Variants in CDH9 observed in about 807,000 individuals in gnomAD.
CDH9 encodes the protein cadherin 9.
A neutral mutation model predicts 70.9 loss-of-function variants in CDH9; 28 were observed. The ratio of observed to expected loss-of-function variants is 0.40; its 90% CI spans 0.29 to 0.54. CDH9 has a LOEUF of 0.54. CDH9 is among the 20% of genes least tolerant of loss of function. The probability of loss-of-function intolerance (pLI) is 0.59; values close to 1 mark genes in which losing one functional copy is unlikely to be tolerated. For missense variants in CDH9, 874 were observed against 984.4 expected (o/e 0.89, Z 1.50); for synonymous variants, 409 against 343.1 (o/e 1.19, Z -2.12).
intron 1 of CDH9, among the ~76,000 whole-genome samples, chr5:27,036,531 C>T (rs1244503716): frequency 6.6e-6 from 1 of 151,832 alleles, no homozygotes; most frequent in African/African-American, 2.4e-5. Context: ...CTATCAAATA[C>T]TGTAATAAAA....
intron 1 of CDH9, among the ~76,000 whole-genome samples, chr5:27,016,406 A>G (rs1204242004): frequency 7.2e-5 from 11 of 151,876 alleles, no homozygotes; most frequent in Admixed American, 7.2e-4. Context: ...AAAAAGTTTA[A>G]TTATTGTACA....
intron 2 of CDH9, among the ~76,000 whole-genome samples, chr5:26,984,773 C>A (rs928099281): frequency 1.3e-5 from 2 of 152,112 alleles, no homozygotes; most frequent in Admixed American, 1.3e-4. Context: ...TCTTGGGGAA[C>A]AGTACAACAT....
At chr5:26,999,942 A>G (rs1246508412) in intron 1 of CDH9, among the ~76,000 whole-genome samples, 2 of 152,182 alleles carry the variant, frequency 1.3e-5, no homozygotes, top group Non-Finnish European at 2.9e-5. Context: ...AATGAGTTTT[A>G]GAAAAAACTC....
At chr5:26,959,079 T>C (rs1003947650) in intron 2 of CDH9, among the ~76,000 whole-genome samples, 1 of 152,118 alleles carries the variant, frequency 6.6e-6, no homozygotes, top group African/African-American at 2.4e-5. Context: ...ACTTTCATAA[T>C]AAGAAGAATT....
At chr5:26,970,778 G>T (rs565901229) in intron 2 of CDH9, among the ~76,000 whole-genome samples, 1 of 151,702 alleles carries the variant, frequency 6.6e-6, no homozygotes, top group Non-Finnish European at 1.5e-5. Flanking sequence ...ATCTCATTTT[G>T]CAAAACTGAC....
chr5:26,954,520 C>G (rs563003750), intron 2 of CDH9, among the ~76,000 whole-genome samples: 210 of 150,494 alleles, frequency 1.4e-3, no homozygotes, highest in Admixed American at 2.7e-3. Flanking sequence ...GAGTAGCTGG[C>G]ACTACAGGTG....
chr5:26,914,842 ATTAAGT>A (rs1451386915), intron 3 of CDH9, among the ~76,000 whole-genome samples: 2 of 152,070 alleles, frequency 1.3e-5, no homozygotes, highest in African/African-American at 4.8e-5. Context: ...GATCTTGTAA[ATTAAGT>A]TTATGTCAGT....
At chr5:26,924,497 AT>A (rs1041841947) in intron 2 of CDH9, among the ~76,000 whole-genome samples, 6 of 149,794 alleles carry the variant, frequency 4.0e-5, no homozygotes, top group African/African-American at 1.2e-4. Flanking sequence ...TAGTCAAACT[AT>A]TTAAAAAAAT....
chr5:26,908,071 G>T (rs1024355233), intron 3 of CDH9, among the ~76,000 whole-genome samples: 3 of 152,058 alleles, frequency 2.0e-5, no homozygotes, highest in African/African-American at 4.8e-5. Context: ...ATTGAGCAAG[G>T]CTTTTTAATG....
chr5:26,893,520 T>C (rs1360838311), intron 7 of CDH9, among the ~76,000 whole-genome samples: 1 of 152,084 alleles, frequency 6.6e-6, no homozygotes, highest in Non-Finnish European at 1.5e-5. Flanking sequence ...TTTCACATGG[T>C]GTTATGAAAA....
At chr5:26,896,932 A>G (rs986223519) in intron 7 of CDH9, among the ~76,000 whole-genome samples, 7 of 152,176 alleles carry the variant, frequency 4.6e-5, no homozygotes, top group Middle Eastern at 3.4e-3. Flanking sequence ...CCAGACTAAT[A>G]AAGAAGAAAA....
At chr5:26,991,655 G>C (rs1235379094) in intron 1 of CDH9, among the ~76,000 whole-genome samples, 1 of 152,060 alleles carries the variant, frequency 6.6e-6, no homozygotes, top group Non-Finnish European at 1.5e-5. Context: ...CTAATATGTG[G>C]ATCTAATTCA....
intron 1 of CDH9, among the ~76,000 whole-genome samples, chr5:27,019,914 CCAAA>C (rs887624838): frequency 2.6e-5 from 4 of 151,756 alleles, no homozygotes; most frequent in Admixed American, 1.3e-4. Flanking sequence ...ATTGAGTTCT[CCAAA>C]CAATGATTGC....
In CDH9 at chr5:26,999,448, T is replaced by C. The variant is rs373673576; in HGVS notation, c.-49-11066A>G. Among the ~76,000 whole-genome samples the C allele has an allele frequency of 2.6e-5, 4 of 152,164 alleles. 1 individual carries two copies. Among genetic ancestry groups the C allele is most frequent in the African/African-American group, 9.6e-5 (4 of 41,542 alleles). On this transcript the variant is annotated intron_variant, in intron 1 of 11. Transcript: ENST00000231021. The stretch of plus-strand genomic sequence containing the variant: ...TAATGGCAAATGTTACCAAGTGTTA[T>C]GAATAAAAACAAAGCAAAATAATTT...
At chr5:26,905,805 A>T (rs1485193599) in intron 5 of CDH9, among the ~76,000 whole-genome samples, 154 bp downstream of exon 5, 1 of 49,966 alleles carries the variant, frequency 2.0e-5, no homozygotes, top group African/African-American at 9.3e-5. Context: ...ATTTGTGGGA[A>T]ATTGTGTTTT....
intron 2 of CDH9, among the ~76,000 whole-genome samples, chr5:26,922,530 C>T (rs1741263128): frequency 1.3e-5 from 2 of 151,862 alleles, no homozygotes; most frequent in African/African-American, 4.8e-5. Context: ...TAAAGATTTA[C>T]ATAGACAAAC....
intron 1 of CDH9, among the ~76,000 whole-genome samples, chr5:26,992,052 T>G (rs2112095780): frequency 6.6e-6 from 1 of 152,264 alleles, no homozygotes. Context: ...CAAATGTATA[T>G]ATATATCATC....
At chr5:26,939,198 A>G (rs1741616709) in intron 2 of CDH9, among the ~76,000 whole-genome samples, 1 of 151,784 alleles carries the variant, frequency 6.6e-6, no homozygotes, top group Non-Finnish European at 1.5e-5. Flanking sequence ...TTAATCTATT[A>G]TAAATTTTAG....
At position 27,001,256 on chromosome 5, in the gene CDH9, G is replaced by A. The variant is rs116337757; in HGVS notation, c.-49-12874C>T. ...GAGAGTGGGAGGAAAACATGCTGGC[G>A]TAAGTAATTTTCCAAAGTTGAGTGC... On this transcript the variant is annotated intron_variant, in intron 1 of 11. Transcript: ENST00000231021. 9.7e-3 allele frequency among the ~76,000 whole-genome samples: 1,479 copies of A among 152,194 alleles called. 22 individuals carry two copies. The highest frequency in any genetic ancestry group is 0.061 in the Middle Eastern group (18 of 294).
Sources: gnomAD v4.1 joint callset for allele counts (sites outside exome capture counted in the v4.1 genomes callset) on GRCh38, gnomAD v4.1.1 for gene constraint, MANE v1.5 for transcripts, NCBI Gene and HGNC (gene_info 2026-07-23, HGNC 2026-07-21) for gene names.